VPS13B: variants seen among roughly 807,000 people sequenced by gnomAD.
VPS13B encodes the protein vacuolar protein sorting 13 homolog B, also known as intermembrane lipid transfer protein VPS13B.
A neutral mutation model predicts 426.4 loss-of-function variants in VPS13B; 285 were observed. The observed-to-expected ratio is 0.67, with a 90% CI of 0.61 to 0.74. VPS13B has a LOEUF of 0.74. Ranked by LOEUF, VPS13B falls within the 30% of genes least tolerant of loss-of-function variation. The pLI is 0.00. For synonymous variants in VPS13B, 1,676 were observed against 1,676.4 expected (o/e 1.00, Z 0.01); for missense variants, 4,537 against 4,782.6 (o/e 0.95, Z 1.51).
intron 33 of VPS13B, among the ~76,000 whole-genome samples, chr8:99,635,011 A>G (rs1439985538): frequency 6.6e-6 from 1 of 151,654 alleles, no homozygotes; most frequent in Non-Finnish European, 1.5e-5. Context: ...TATCTCTGTT[A>G]AAAGCATGCG....
Position 99,360,115 on chromosome 8 carries a change from T to TC in VPS13B, c.2825-24091dup, listed in dbSNP as rs398112793. Among the ~76,000 whole-genome samples, 4 of 147,968 alleles carry TC rather than the reference T, an allele frequency of 2.7e-5. No homozygotes were observed. The South Asian group carries it at 8.7e-4, about 32-fold the overall frequency. ...CTGTGCCCAACCTGTTTTTTTTTTT[T>TC]CCTTATCTTTCTTTCTTTCTTTCTT... On this transcript the variant is annotated intron_variant, in intron 19 of 61. Coordinates refer to ENST00000357162, the MANE Select transcript of VPS13B (RefSeq NM_152564.5).
intron 35 of VPS13B, chr8:99,697,540 G>T (rs2130159770): frequency 2.8e-6 from 2 of 716,584 alleles, no homozygotes; most frequent in East Asian, 2.5e-5. Context: ...TGCTGAAGGA[G>T]GACGTGCAGG....
At position 99,778,983 on chromosome 8, in the gene VPS13B, A is replaced by G. The variant is rs921182844; in HGVS notation, c.7731A>G (p.Gly2577=). 6.2e-7 allele frequency: 1 copy of G among 1,613,876 alleles called. No individual in the cohort carries two copies. Among genetic ancestry groups the G allele is most frequent in the Middle Eastern group, 1.7e-4 (1 of 6,056 alleles). ...TTGATTCTGTATTTGTAAACCTTGG[A>G]CAGCATGTAGTCCATTCACTAAACA... ...VIVDSVFVNL[G]QHVVHSLNTA... is the part of the protein sequence containing the mutation. Residue 2577 remains glycine (G), a synonymous_variant, in exon 42 of 62, where the codon GGA becomes GGG. Coordinates refer to ENST00000357162, the MANE Select transcript of VPS13B (RefSeq NM_152564.5).
At chr8:99,383,602 C>G (rs1447739770) in intron 19 of VPS13B, among the ~76,000 whole-genome samples, 2 of 152,152 alleles carry the variant, frequency 1.3e-5, no homozygotes, top group African/African-American at 4.8e-5. Flanking sequence ...AACCACATAG[C>G]TCTTAGCAGT....
chr8:99,102,515 T>C (rs1846808168), intron 4 of VPS13B, among the ~76,000 whole-genome samples: 1 of 152,128 alleles, frequency 6.6e-6, no homozygotes, highest in Non-Finnish European at 1.5e-5. Context: ...GTAGCTGGTT[T>C]AAAAAGAGGC....
At chr8:99,860,626 T>C (rs1172020727) in intron 57 of VPS13B, among the ~76,000 whole-genome samples, 1 of 152,236 alleles carries the variant, frequency 6.6e-6, no homozygotes, top group Non-Finnish European at 1.5e-5. Flanking sequence ...ATTTTTCTTT[T>C]CAGATTACTG....
intron 19 of VPS13B, among the ~76,000 whole-genome samples, chr8:99,340,089 T>G (rs1314684012): frequency 6.6e-6 from 1 of 152,184 alleles, no homozygotes; most frequent in African/African-American, 2.4e-5. Flanking sequence ...AAGTATCTTG[T>G]CAGAGCACTT....
chr8:99,224,627 A>G (rs867624431), intron 17 of VPS13B, among the ~76,000 whole-genome samples: 3 of 152,238 alleles, frequency 2.0e-5, no homozygotes, highest in South Asian at 4.1e-4. Flanking sequence ...AAATTAAAGC[A>G]TAGGACAACA....
intron 17 of VPS13B, among the ~76,000 whole-genome samples, chr8:99,271,843 G>C (rs1818626183): frequency 6.6e-6 from 1 of 152,150 alleles, no homozygotes; most frequent in Non-Finnish European, 1.5e-5. Flanking sequence ...CCATAATCCA[G>C]TTACTTCCCA....
At chr8:99,356,104 G>T (rs1812167866) in intron 19 of VPS13B, among the ~76,000 whole-genome samples, 1 of 152,034 alleles carries the variant, frequency 6.6e-6, no homozygotes, top group African/African-American at 2.4e-5. Context: ...GAAAATAGAG[G>T]CCTAATATTA....
At chr8:99,764,407 T>C (rs1489963245) in intron 39 of VPS13B, among the ~76,000 whole-genome samples, 1 of 149,150 alleles carries the variant, frequency 6.7e-6, no homozygotes, top group South Asian at 2.1e-4. Flanking sequence ...TAGAGAGAGA[T>C]TCTTTTTTTT....
At chr8:99,118,313 A>G (rs867775880) in intron 7 of VPS13B, among the ~76,000 whole-genome samples, 2 of 152,248 alleles carry the variant, frequency 1.3e-5, no homozygotes, top group Middle Eastern at 3.4e-3. Context: ...ATGCCTTTCA[A>G]ATTAAGTTAC....
chr8:99,222,239 A>T (rs960061108), intron 17 of VPS13B, among the ~76,000 whole-genome samples: 28 of 152,200 alleles, frequency 1.8e-4, no homozygotes, highest in Non-Finnish European at 3.7e-4. Flanking sequence ...TGTCTAATCC[A>T]CTAGCATAGT....
At chr8:99,059,706 C>A (rs564095273) in intron 3 of VPS13B, among the ~76,000 whole-genome samples, 5 of 139,752 alleles carry the variant, frequency 3.6e-5, no homozygotes, top group African/African-American at 1.3e-4. Flanking sequence ...GGATACTAAA[C>A]TTTTGTTTTA....
At chr8:99,072,579 C>T (rs966217033) in intron 3 of VPS13B, among the ~76,000 whole-genome samples, 7 of 152,080 alleles carry the variant, frequency 4.6e-5, no homozygotes, top group African/African-American at 1.7e-4. Context: ...ATAGGCACTC[C>T]CCTGGCTGGG....
chr8:99,173,942 A>G (rs1280787660), intron 16 of VPS13B, among the ~76,000 whole-genome samples: 1 of 152,162 alleles, frequency 6.6e-6, no homozygotes, highest in Non-Finnish European at 1.5e-5. Flanking sequence ...AAAAATAACT[A>G]TTTTTAAATG....
intron 19 of VPS13B, among the ~76,000 whole-genome samples, chr8:99,367,948 C>G (rs1482315718): frequency 6.6e-6 from 1 of 152,210 alleles, no homozygotes; most frequent in Non-Finnish European, 1.5e-5. Context: ...GCCACCGCAC[C>G]TGACCATTTG....
chr8:99,352,640 A>G (rs923586910), intron 19 of VPS13B, among the ~76,000 whole-genome samples: 1 of 152,094 alleles, frequency 6.6e-6, no homozygotes, highest in African/African-American at 2.4e-5. Context: ...CCTGGCCAAC[A>G]TGGTGAAACC....
At chr8:99,587,212 C>T (rs995084668) in intron 33 of VPS13B, among the ~76,000 whole-genome samples, 14 of 152,240 alleles carry the variant, frequency 9.2e-5, no homozygotes, top group South Asian at 2.1e-4. Context: ...TTTCTTAATC[C>T]GATCTATCAC....
Sources: gnomAD v4.1 joint callset for allele counts (sites outside exome capture counted in the v4.1 genomes callset) on GRCh38, gnomAD v4.1.1 for gene constraint, MANE v1.5 for transcripts, NCBI Gene and HGNC (gene_info 2026-07-23, HGNC 2026-07-21) for gene names.